The following RBM19 variants were observed in gnomAD, a reference collection of about 807,000 sequenced individuals.
RBM19 encodes the protein probable RNA-binding protein 19.
Under a neutral mutation model 116.8 loss-of-function variants are expected in RBM19, and 94 were observed. That is an observed-to-expected ratio of 0.80 (90% CI 0.68 to 0.95). RBM19 has a LOEUF of 0.95. Among genes scored for constraint, RBM19 ranks in the 40% least tolerant of loss-of-function variants. The pLI is 0.00. For synonymous variants in RBM19, 475 were observed against 494.1 expected (o/e 0.96, Z 0.51); for missense variants, 1,161 against 1,220.7 (o/e 0.95, Z 0.73).
chr12:113,962,546 T>G, intron 1 of RBM19, 132 bp from the exon 2 acceptor site: 1 of 854,902 alleles, frequency 1.2e-6, no homozygotes, highest in South Asian at 1.8e-5. Flanking sequence ...AGTGTACTTT[T>G]CTAGTTACAA....
chr12:113,838,838 C>A (rs1191065195), intron 23 of RBM19, among the ~76,000 whole-genome samples: 2 of 152,186 alleles, frequency 1.3e-5, no homozygotes, highest in East Asian at 3.9e-4. Flanking sequence ...GGCAGGGGCA[C>A]TCAAGGGTAA....
chr12:113,859,260 G>A (rs1191863122), intron 21 of RBM19, among the ~76,000 whole-genome samples: 1 of 152,236 alleles, frequency 6.6e-6, no homozygotes, highest in Non-Finnish European at 1.5e-5. Context: ...GAGGGGCCTG[G>A]CCAGGGCAAG....
intron 1 of RBM19, among the ~76,000 whole-genome samples, chr12:113,962,940 T>C (rs902108895): frequency 6.6e-6 from 1 of 152,092 alleles, no homozygotes; most frequent in Admixed American, 6.5e-5. Flanking sequence ...CCAGGTCCAA[T>C]GTCACCTCAA....
chr12:113,923,242 T>C (rs1868745635), intron 18 of RBM19, among the ~76,000 whole-genome samples: 1 of 152,180 alleles, frequency 6.6e-6, no homozygotes, highest in Non-Finnish European at 1.5e-5. Context: ...GAACATGGGA[T>C]GGGCATATAG....
At chr12:113,924,800 C>A (rs746144362) in intron 17 of RBM19, 43 bp from the exon 18 acceptor site, 33 of 1,498,234 alleles carry the variant, frequency 2.2e-5, no homozygotes, top group Non-Finnish European at 3.0e-5. Flanking sequence ...CTCTAAACCA[C>A]TATGCAGGCA....
At chr12:113,941,859 G>C (rs528950370) in intron 14 of RBM19, among the ~76,000 whole-genome samples, 1 of 152,184 alleles carries the variant, frequency 6.6e-6, no homozygotes, top group Admixed American at 6.5e-5. Context: ...TCTGAGCGTT[G>C]GTATCCCAGA....
chr12:113,854,176 A>G (rs1877695060), intron 22 of RBM19, among the ~76,000 whole-genome samples: 1 of 152,160 alleles, frequency 6.6e-6, no homozygotes, highest in Non-Finnish European at 1.5e-5. Flanking sequence ...CCAGCTGTCA[A>G]ATGGCCTCCT....
intron 23 of RBM19, among the ~76,000 whole-genome samples, chr12:113,830,415 G>A (rs1350971715): frequency 6.6e-6 from 1 of 152,100 alleles, no homozygotes; most frequent in Non-Finnish European, 1.5e-5. Context: ...TGAGTGGCTG[G>A]AGAGTGGGTC....
At chr12:113,879,804 C>T (rs111907736) in intron 21 of RBM19, among the ~76,000 whole-genome samples, 20 of 152,154 alleles carry the variant, frequency 1.3e-4, no homozygotes, top group African/African-American at 4.8e-4. Flanking sequence ...CAAATAGCAC[C>T]CTCCTCCACC....
At chr12:113,935,495 G>A (rs1401377898) in intron 16 of RBM19, among the ~76,000 whole-genome samples, 1 of 152,178 alleles carries the variant, frequency 6.6e-6, no homozygotes, top group African/African-American at 2.4e-5. Context: ...ACTCATAAAC[G>A]AGCAGGAGTC....
intron 3 of RBM19, 60 bp from the exon 4 acceptor site, chr12:113,959,963 A>C: frequency 6.2e-7 from 1 of 1,613,606 alleles, no homozygotes; most frequent in Non-Finnish European, 8.5e-7. Context: ...GGGAAACAGA[A>C]CTGCACTGAC....
At chr12:113,829,001 G>A (rs1464347966) in intron 23 of RBM19, among the ~76,000 whole-genome samples, 1 of 145,744 alleles carries the variant, frequency 6.9e-6, no homozygotes, top group Admixed American at 6.9e-5. Context: ...TTAGGGCTGT[G>A]CCTTTTTTTT....
intron 21 of RBM19, among the ~76,000 whole-genome samples, chr12:113,861,566 G>A (rs1418625281): frequency 1.3e-5 from 2 of 151,786 alleles, no homozygotes; most frequent in African/African-American, 2.4e-5. Context: ...GAGAGAAGGA[G>A]AGAAAGAGAG....
chr12:113,868,352 C>A (rs541834018), intron 21 of RBM19, among the ~76,000 whole-genome samples: 2 of 152,216 alleles, frequency 1.3e-5, no homozygotes, highest in Non-Finnish European at 2.9e-5. Context: ...TCTGCTGAAC[C>A]TGAATAGAGT....
chr12:113,836,441 ATATAATGCCCTGCCAT>A (rs1423954774), intron 23 of RBM19, among the ~76,000 whole-genome samples: 4 of 152,142 alleles, frequency 2.6e-5, no homozygotes, highest in Non-Finnish European at 4.4e-5. Context: ...GCAAGGAAAA[ATATAATGCCCTGCCAT>A]TATACAGGGA....
chr12:113,919,806 GC>G (rs1883000266), intron 19 of RBM19, among the ~76,000 whole-genome samples: 1 of 151,844 alleles, frequency 6.6e-6, no homozygotes, highest in Non-Finnish European at 1.5e-5. Context: ...TCCCCAACTG[GC>G]CAAGCCTGGA....
At chr12:113,965,889 G>A (rs12578548) in intron 1 of RBM19, among the ~76,000 whole-genome samples, 16,010 of 152,144 alleles carry the variant, frequency 0.11, 1,063 homozygotes, top group African/African-American at 0.17. Flanking sequence ...AACAGTGATC[G>A]AATGAAAGAG....
chr12:113,847,230 G>A (rs1231887364), intron 22 of RBM19, among the ~76,000 whole-genome samples: 1 of 152,200 alleles, frequency 6.6e-6, no homozygotes, highest in Non-Finnish European at 1.5e-5. Flanking sequence ...AAAGGGAGGT[G>A]ACTAGAACAT....
chr12:113,883,086 G>A (rs1228494547), intron 21 of RBM19, among the ~76,000 whole-genome samples: 2 of 152,194 alleles, frequency 1.3e-5, no homozygotes, highest in African/African-American at 4.8e-5. Flanking sequence ...GACAGAGAGA[G>A]GTTGTAGGGA....
Sources: allele counts gnomAD v4.1 joint callset (sites outside exome capture counted in the v4.1 genomes callset), GRCh38; gene constraint gnomAD v4.1.1; transcripts MANE v1.5; gene names NCBI Gene and HGNC (gene_info 2026-07-23, HGNC 2026-07-21).